Variants in MED27 observed in about 807,000 individuals in gnomAD.
MED27 encodes the protein mediator complex subunit 27, also known as mediator of RNA polymerase II transcription subunit 27.
Under a neutral mutation model 38.2 loss-of-function variants are expected in MED27, and 30 were observed. The ratio of observed to expected loss-of-function variants is 0.79; its 90% CI spans 0.59 to 1.07. The LOEUF (loss-of-function observed/expected upper bound fraction) is 1.07. Among genes scored for constraint, MED27 ranks in the 50% least tolerant of loss-of-function variants. The probability of loss-of-function intolerance (pLI) is 0.00; values close to 1 mark genes in which losing one functional copy is unlikely to be tolerated. For missense variants in MED27, 289 were observed against 397.5 expected (o/e 0.73, Z 2.32); for synonymous variants, 122 against 153.5 (o/e 0.79, Z 1.52).
intron 4 of MED27, among the ~76,000 whole-genome samples, chr9:131,929,856 C>T (rs867325408): frequency 2.0e-5 from 3 of 152,216 alleles, no homozygotes; most frequent in Admixed American, 1.3e-4. Flanking sequence ...GCTGGCTTCC[C>T]CATCTGTTGA....
At chr9:132,013,943 T>C (rs915299097) in intron 3 of MED27, among the ~76,000 whole-genome samples, 13 of 152,122 alleles carry the variant, frequency 8.5e-5, no homozygotes, top group Non-Finnish European at 1.5e-4. Flanking sequence ...TGGTAGCTCA[T>C]ACCTGTAATC....
chr9:132,053,915 T>C (rs1040620398), intron 2 of MED27, among the ~76,000 whole-genome samples: 6 of 151,756 alleles, frequency 4.0e-5, no homozygotes, highest in African/African-American at 1.5e-4. Context: ...TATATATAAA[T>C]TATATATAAT....
chr9:131,978,235 A>C (rs1831651506), intron 3 of MED27, among the ~76,000 whole-genome samples: 3 of 152,246 alleles, frequency 2.0e-5, no homozygotes, highest in Non-Finnish European at 1.5e-5. Flanking sequence ...TGGTGTCTTC[A>C]GCGACAAAAT....
At chr9:131,995,363 T>C (rs1033960486) in intron 3 of MED27, among the ~76,000 whole-genome samples, 16 of 151,844 alleles carry the variant, frequency 1.1e-4, no homozygotes, top group African/African-American at 3.9e-4. Flanking sequence ...CCCAACAGCA[T>C]GGACTTGCAC....
chr9:131,983,330 A>C (rs1831780819), intron 3 of MED27, among the ~76,000 whole-genome samples: 1 of 152,238 alleles, frequency 6.6e-6, no homozygotes, highest in Non-Finnish European at 1.5e-5. Flanking sequence ...ACACTTTAGA[A>C]GGAAAATTTT....
chr9:131,921,051 G>C (rs573824271), intron 4 of MED27, among the ~76,000 whole-genome samples: 1 of 152,300 alleles, frequency 6.6e-6, no homozygotes, highest in East Asian at 1.9e-4. Flanking sequence ...AGAAGCAACA[G>C]TCAGATTCTG....
chr9:131,902,570 G>A (rs1829971426), intron 4 of MED27, among the ~76,000 whole-genome samples: 1 of 152,160 alleles, frequency 6.6e-6, no homozygotes, highest in Admixed American at 6.5e-5. Context: ...AGGTCAGACC[G>A]AGGGACTGTC....
intron 2 of MED27, among the ~76,000 whole-genome samples, chr9:132,028,661 G>A (rs1832881507): frequency 6.6e-6 from 1 of 152,166 alleles, no homozygotes; most frequent in Non-Finnish European, 1.5e-5. Flanking sequence ...AGACAATTGG[G>A]GGAGAGGTGT....
intron 2 of MED27, among the ~76,000 whole-genome samples, chr9:132,076,598 G>A (rs945206280): frequency 5.9e-5 from 9 of 152,084 alleles, no homozygotes; most frequent in Non-Finnish European, 1.0e-4. Flanking sequence ...GCACAACCCT[G>A]CATACAGTTA....
intron 5 of MED27, among the ~76,000 whole-genome samples, chr9:131,885,405 C>T (rs1839121793): frequency 1.3e-5 from 2 of 152,140 alleles, no homozygotes; most frequent in Admixed American, 1.3e-4. Context: ...TCAGTTCCTC[C>T]CCTAGAGTAT....
chr9:132,022,230 A>G (rs1024249282), intron 2 of MED27, among the ~76,000 whole-genome samples: 4 of 152,158 alleles, frequency 2.6e-5, no homozygotes, highest in Non-Finnish European at 4.4e-5. Flanking sequence ...ATGCACCATC[A>G]TGTTCTTGTC....
At chr9:132,069,987 AC>A (rs1343227707) in intron 2 of MED27, among the ~76,000 whole-genome samples, 3 of 152,216 alleles carry the variant, frequency 2.0e-5, no homozygotes, top group African/African-American at 7.2e-5. Context: ...CACACTGGGC[AC>A]CGGCCTAGGT....
intron 3 of MED27, among the ~76,000 whole-genome samples, chr9:131,965,392 C>A (rs1831315894): frequency 6.6e-6 from 1 of 152,234 alleles, no homozygotes; most frequent in Non-Finnish European, 1.5e-5. Context: ...ACTCTGAAAT[C>A]TATTAGAGTG....
At chr9:132,055,092 G>A (rs114635444) in intron 2 of MED27, among the ~76,000 whole-genome samples, 153 of 152,312 alleles carry the variant, frequency 1.0e-3, no homozygotes, top group African/African-American at 3.4e-3. Flanking sequence ...TGCCCTGGAA[G>A]CGCTGTGAAG....
intron 2 of MED27, among the ~76,000 whole-genome samples, chr9:132,048,660 C>T (rs1327125725): frequency 6.6e-6 from 1 of 152,198 alleles, no homozygotes; most frequent in Non-Finnish European, 1.5e-5. Context: ...AACAGCAGAA[C>T]CCCTCTGGAC....
intron 3 of MED27, among the ~76,000 whole-genome samples, chr9:131,944,163 A>C (rs1245562881): frequency 6.6e-6 from 1 of 152,122 alleles, no homozygotes; most frequent in East Asian, 1.9e-4. Flanking sequence ...ACTTTTGTTC[A>C]CTTCTAATTT....
At position 131,985,193 on chromosome 9, in the gene MED27, G is replaced by A. The variant is rs146408719; in HGVS notation, c.479+29144C>T. On this transcript the variant is annotated intron_variant, in intron 3 of 7. Transcript: ENST00000292035. ...TTTGGTTCTTTGCCTTTTGCTTTGC[G>A]GACTCTAAGTCTTTACTGTTTTCTT... Among the ~76,000 whole-genome samples the A allele has an allele frequency of 5.3e-3, 799 of 151,970 alleles. 14 individuals are homozygous for A. Among genetic ancestry groups the A allele is most frequent in the African/African-American group, 0.018 (735 of 41,428 alleles).
intron 2 of MED27, among the ~76,000 whole-genome samples, chr9:132,015,442 T>C (rs1188513365): frequency 6.6e-6 from 1 of 152,244 alleles, no homozygotes; most frequent in Non-Finnish European, 1.5e-5. Flanking sequence ...AGAGAAATGA[T>C]ACTGCCCAGT....
chr9:131,873,539 GGA>G, intron 6 of MED27, among the ~76,000 whole-genome samples: 1 of 152,322 alleles, frequency 6.6e-6, no homozygotes, highest in South Asian at 2.1e-4. Flanking sequence ...CTAGCAGCCT[GGA>G]GAGGAAACAT....
Sources: allele counts gnomAD v4.1 joint callset (sites outside exome capture counted in the v4.1 genomes callset), GRCh38; gene constraint gnomAD v4.1.1; transcripts MANE v1.5; gene names NCBI Gene and HGNC (gene_info 2026-07-23, HGNC 2026-07-21).